The following RPTOR variants were observed in gnomAD, a reference collection of about 807,000 sequenced individuals.
RPTOR encodes the protein regulatory-associated protein of mTOR.
A neutral mutation model predicts 169.9 loss-of-function variants in RPTOR; 21 were observed. The ratio of observed to expected loss-of-function variants is 0.12; its 90% CI spans 0.09 to 0.18. The LOEUF (loss-of-function observed/expected upper bound fraction) is 0.18, where lower values mean the gene tolerates loss of function less well. Among genes scored for constraint, RPTOR ranks in the 10% least tolerant of loss-of-function variants. The pLI is 1.00. For missense variants in RPTOR, 1,133 were observed against 1,855.9 expected, an observed-to-expected ratio of 0.61 and a Z score of 7.16; for synonymous variants, 732 against 753.2, an observed-to-expected ratio of 0.97 and a Z score of 0.46.
Position 80,861,878 on chromosome 17 carries a change from G to T in RPTOR, c.1509+3978G>T, listed in dbSNP as rs908241. ...TTGGTGAAAGGGGACAGCCTTCCTC[G>T]TACCTTCCTCGTGACATTCTCACTG... On this transcript the variant is annotated intron_variant, in intron 13 of 33. Coordinates refer to ENST00000306801, the MANE Select transcript of RPTOR (RefSeq NM_020761.3). The surrounding 1 kb of genome is among the most constrained non-coding windows in gnomAD (Gnocchi z 4.5). Among the ~76,000 whole-genome samples the T allele has an allele frequency of 6.6e-6, 1 of 152,050 alleles. No homozygotes were observed. Among genetic ancestry groups the T allele is most frequent in the African/African-American group, 2.4e-5 (1 of 41,392 alleles).
At chr17:80,691,560 G>A (rs1406043662) in intron 3 of RPTOR, among the ~76,000 whole-genome samples, 1 of 152,168 alleles carries the variant, frequency 6.6e-6, no homozygotes, top group African/African-American at 2.4e-5. Flanking sequence ...TGTCCACGTC[G>A]TTCCATCTTT....
chr17:80,628,593 A>G (rs2065414071), intron 2 of RPTOR, among the ~76,000 whole-genome samples: 2 of 151,960 alleles, frequency 1.3e-5, no homozygotes, highest in Admixed American at 1.3e-4. Flanking sequence ...AGCTTTATCT[A>G]TAACCTATTA....
rs182005203 is a variant in RPTOR at position 80,708,800 on chromosome 17, C to T, written c.507+801C>T. On this transcript the variant is annotated intron_variant, in intron 4 of 33. Transcript: ENST00000306801. This position sits in a 1 kb window ranked among gnomAD's most constrained non-coding sequence, Gnocchi z 4.2. ...CATGAAAAGCAGTTCTTGGAGGGTG[C>T]GGTGGCCCCATATGTGCCTGAGCGT... 309 of 287,506 alleles carry T rather than the reference C, an allele frequency of 1.1e-3. No homozygotes were observed. Among genetic ancestry groups the T allele is most frequent in the African/African-American group, 6.5e-3 (286 of 44,050 alleles). 17.8% of individuals were successfully genotyped at this position (287,506 alleles called of 1,614,324 possible). A position where few individuals can be genotyped will look rare whatever the true frequency, so the allele number is the denominator to read the frequency against.
chr17:80,837,543 C>G (rs2067578246), intron 9 of RPTOR, among the ~76,000 whole-genome samples: 1 of 152,252 alleles, frequency 6.6e-6, no homozygotes, highest in South Asian at 2.1e-4. Context: ...GGGACCACAG[C>G]TGCTTAGAAC....
chr17:80,922,424 G>A (rs896601542), intron 21 of RPTOR, among the ~76,000 whole-genome samples: 1 of 152,166 alleles, frequency 6.6e-6, no homozygotes, highest in Non-Finnish European at 1.5e-5. Flanking sequence ...CATCTCAGAG[G>A]CTTCAGGCCC....
At chr17:80,944,847 T>C (rs537202915) in intron 25 of RPTOR, among the ~76,000 whole-genome samples, 3 of 151,960 alleles carry the variant, frequency 2.0e-5, no homozygotes, top group African/African-American at 7.2e-5. Context: ...AAAAATTAGC[T>C]GGGCGTGGTG....
intron 7 of RPTOR, among the ~76,000 whole-genome samples, chr17:80,792,312 A>G (rs2067056685): frequency 6.6e-6 from 1 of 152,170 alleles, no homozygotes. Context: ...TAGGGCCTGA[A>G]TTTACTAAAT....
intron 29 of RPTOR, among the ~76,000 whole-genome samples, chr17:80,958,402 TTTC>T (rs1452939192): frequency 7.5e-6 from 1 of 133,064 alleles, no homozygotes; most frequent in African/African-American, 3.2e-5. Context: ...AAGATTTTTG[TTTC>T]TTTTTTTTTT....
intron 3 of RPTOR, among the ~76,000 whole-genome samples, chr17:80,681,568 CTT>C (rs533354165): frequency 1.3e-3 from 181 of 143,116 alleles, no homozygotes; most frequent in African/African-American, 4.6e-3. Context: ...TTCTAGTTCT[CTT>C]ACACCTTCAT....
At chr17:80,867,706 A>C (rs1218336067) in intron 13 of RPTOR, among the ~76,000 whole-genome samples, 3 of 152,252 alleles carry the variant, frequency 2.0e-5, no homozygotes, top group Admixed American at 6.5e-5. Context: ...AAATCAATTT[A>C]TGTATATACA....
chr17:80,773,697 T>C, intron 6 of RPTOR: 3 of 745,048 alleles, frequency 4.0e-6, no homozygotes, highest in Non-Finnish European at 4.9e-6. Context: ...TTGGATTTGC[T>C]TCCTCTGGCA....
intron 4 of RPTOR, among the ~76,000 whole-genome samples, chr17:80,722,795 A>G (rs2066298093): frequency 1.3e-5 from 2 of 151,400 alleles, no homozygotes; most frequent in Non-Finnish European, 2.9e-5. Context: ...TCTAGGAAAC[A>G]TATGTTGTTA....
intron 9 of RPTOR, among the ~76,000 whole-genome samples, chr17:80,826,967 C>T (rs544971109): frequency 5.3e-5 from 8 of 152,330 alleles, no homozygotes; most frequent in African/African-American, 1.2e-4. Flanking sequence ...ACTGCCCTGG[C>T]GACTGACGTG....
intron 11 of RPTOR, among the ~76,000 whole-genome samples, chr17:80,855,072 G>A (rs2067837714): frequency 1.3e-5 from 2 of 152,220 alleles, no homozygotes; most frequent in Admixed American, 6.5e-5. Context: ...ACAGTGCATT[G>A]TTTAGTTTAA....
At chr17:80,821,026 C>G (rs1004581830) in intron 7 of RPTOR, among the ~76,000 whole-genome samples, 2 of 152,208 alleles carry the variant, frequency 1.3e-5, no homozygotes, top group Non-Finnish European at 2.9e-5. Context: ...CTCAATTTCT[C>G]CTTTTTCTTG....
intron 1 of RPTOR, among the ~76,000 whole-genome samples, chr17:80,546,992 C>T (rs1285465507): frequency 2.0e-5 from 3 of 152,172 alleles, no homozygotes; most frequent in Admixed American, 2.0e-4. Context: ...TCGCTTGAAC[C>T]TGGGAGGCAG....
chr17:80,787,107 C>T (rs1394187998), intron 6 of RPTOR, among the ~76,000 whole-genome samples: 2 of 152,242 alleles, frequency 1.3e-5, no homozygotes, highest in East Asian at 1.9e-4. Flanking sequence ...GTGCCGGGCT[C>T]ATCATCCCTT....
At position 80,861,710 on chromosome 17, in the gene RPTOR, C is replaced by T. The variant is rs186243565; in HGVS notation, c.1509+3810C>T. Among the ~76,000 whole-genome samples the T allele has an allele frequency of 2.6e-5, 4 of 152,298 alleles. No homozygotes were observed. The East Asian group carries it at 7.7e-4, about 29-fold the overall frequency. On this transcript the variant is annotated intron_variant, in intron 13 of 33. Coordinates refer to ENST00000306801, the MANE Select transcript of RPTOR (RefSeq NM_020761.3). The surrounding 1 kb of genome is among the most constrained non-coding windows in gnomAD (Gnocchi z 4.5). The stretch of plus-strand genomic sequence containing the variant: ...ATCTGCATGCAGAGGTCTGGGATTA[C>T]GGCCGCCTGAGCCTGCTCCCCAGCA...
intron 3 of RPTOR, among the ~76,000 whole-genome samples, chr17:80,674,805 AAAAAAAAAAAAAAAAAAAAAC>A (rs1447700932): frequency 5.6e-5 from 6 of 107,476 alleles, no homozygotes; most frequent in African/African-American, 3.3e-4. Flanking sequence ...AAAAAAAAAA[AAAAAAAAAAAAAAAAAAAAAC>A]AACTTCTCAA....
Sources: gnomAD v4.1 joint callset for allele counts (sites outside exome capture counted in the v4.1 genomes callset) on GRCh38, gnomAD v4.1.1 for gene constraint, Gnocchi (gnomAD v3.1) non-coding constraint, MANE v1.5 for transcripts, NCBI Gene and HGNC (gene_info 2026-07-23, HGNC 2026-07-21) for gene names.